Variants in LRRFIP1 observed in about 807,000 individuals in gnomAD.
LRRFIP1 encodes the protein leucine-rich repeat flightless-interacting protein 1.
Under a neutral mutation model 104.4 loss-of-function variants are expected in LRRFIP1, and 62 were observed. The observed-to-expected ratio is 0.59, with a 90% CI of 0.48 to 0.73. The LOEUF is 0.73. Among genes scored for constraint, LRRFIP1 ranks in the 30% least tolerant of loss-of-function variants. The probability of loss-of-function intolerance (pLI) is 0.00; values close to 1 mark genes in which losing one functional copy is unlikely to be tolerated. For missense variants in LRRFIP1, 796 were observed against 824.5 expected (o/e 0.97, Z 0.42); for synonymous variants, 300 against 299.0 (o/e 1.00, Z -0.03).
intron 23 of LRRFIP1, 87 bp downstream of exon 23, chr2:237,774,549 C>T: frequency 1.2e-6 from 1 of 853,544 alleles, no homozygotes. Context: ...ACTACTGTGA[C>T]ATCTGCCCCT....
chr2:237,674,713 T>C (rs897780430), intron 1 of LRRFIP1, among the ~76,000 whole-genome samples: 3 of 152,246 alleles, frequency 2.0e-5, no homozygotes, highest in African/African-American at 7.2e-5. Flanking sequence ...CCTTCCATTA[T>C]GAATGCGGGC....
intron 8 of LRRFIP1, chr2:237,729,776 T>C: frequency 2.0e-6 from 2 of 985,288 alleles, no homozygotes; most frequent in Non-Finnish European, 2.4e-6. Flanking sequence ...TCTTTGGTGC[T>C]CAGAATTCCA....
intron 1 of LRRFIP1, among the ~76,000 whole-genome samples, chr2:237,682,525 T>G (rs185222974): frequency 1.2e-3 from 177 of 152,322 alleles, no homozygotes; most frequent in African/African-American, 4.1e-3. Context: ...AGGGTTGTTT[T>G]CTCTCCCATC....
chr2:237,680,552 T>C (rs1271852912), intron 1 of LRRFIP1, among the ~76,000 whole-genome samples: 2 of 152,216 alleles, frequency 1.3e-5, no homozygotes, highest in African/African-American at 2.4e-5. Context: ...CTCAGAGACT[T>C]GAGCATCTCC....
chr2:237,775,180 C>G (rs903946299), intron 23 of LRRFIP1, among the ~76,000 whole-genome samples: 5 of 152,228 alleles, frequency 3.3e-5, no homozygotes, highest in African/African-American at 1.2e-4. Flanking sequence ...CGGAATGGCC[C>G]AGGCCAGGGC....
chr2:237,717,684 G>A lies in LRRFIP1; in HGVS notation c.202-78G>A. On this transcript the variant is annotated intron_variant, in intron 3 of 23. Coordinates refer to ENST00000308482, the MANE Select transcript of LRRFIP1 (RefSeq NM_001137550.2). This position sits in a 1 kb window ranked among gnomAD's most constrained non-coding sequence, Gnocchi z 4.2. ...GCTGGATGGCGGTTTGGAAATGCATGTCAGAACAGTGCCTTAGACAACTGC... is the reference window on the plus strand; with the variant it reads ...GCTGGATGGCGGTTTGGAAATGCATATCAGAACAGTGCCTTAGACAACTGC... 9.0e-7 allele frequency: 1 copy of A among 1,109,376 alleles called. No homozygotes were observed. Among genetic ancestry groups the A allele is most frequent in the Non-Finnish European group, 1.4e-6 (1 of 719,244 alleles). The allele number at this position is 1,109,376 out of a possible 1,614,324, so 68.7% of individuals were successfully genotyped here.
At chr2:237,644,518 T>C (rs948384887) in intron 1 of LRRFIP1, among the ~76,000 whole-genome samples, 1 of 152,202 alleles carries the variant, frequency 6.6e-6, no homozygotes, top group African/African-American at 2.4e-5. Context: ...GCTGGTGTTC[T>C]TGGGTTAGAG....
rs1030673968 is a variant in LRRFIP1 at position 237,649,817 on chromosome 2, T to A, written c.96+22077T>A. 6.6e-6 allele frequency among the ~76,000 whole-genome samples: 1 copy of A among 151,764 alleles called. No homozygotes were observed. Among genetic ancestry groups the A allele is most frequent in the Admixed American group, 6.6e-5 (1 of 15,266 alleles). ...CGGGCTGAGTTCATTTACCTGCTCA[T>A]TCATGTATTCACTTTTCCTCCGATT... On this transcript the variant is annotated intron_variant, in intron 1 of 23. Coordinates refer to ENST00000308482, the MANE Select transcript of LRRFIP1 (RefSeq NM_001137550.2). The surrounding 1 kb of genome is among the most constrained non-coding windows in gnomAD (Gnocchi z 4.1).
At chr2:237,723,651 G>A (rs1283045858) in intron 7 of LRRFIP1, 65 bp downstream of exon 7, 1 of 1,587,394 alleles carries the variant, frequency 6.3e-7, no homozygotes, top group African/African-American at 1.3e-5. Context: ...AATAACCTGT[G>A]GTATTTCCAC....
intron 1 of LRRFIP1, among the ~76,000 whole-genome samples, chr2:237,688,228 G>T (rs1353054391): frequency 2.0e-5 from 3 of 152,164 alleles, no homozygotes; most frequent in African/African-American, 7.2e-5. Context: ...GAGATTCTGG[G>T]CTTAACCAGT....
Position 237,703,269 on chromosome 2 carries a change from G to A in LRRFIP1, c.97-5275G>A, listed in dbSNP as rs542196144. Among the ~76,000 whole-genome samples, 5 of 152,208 alleles carry A rather than the reference G, an allele frequency of 3.3e-5. No individual in the cohort carries two copies. The highest frequency in any genetic ancestry group is 4.1e-4 in the South Asian group (2 of 4,824). ...TTTGTATCCTAAACTCCACAGGCCC[G>A]AACCCTGGCACTGAGCTTGATCCGC... On this transcript the variant is annotated intron_variant, in intron 1 of 23. Coordinates refer to ENST00000308482, the MANE Select transcript of LRRFIP1 (RefSeq NM_001137550.2). The surrounding 1 kb of genome is among the most constrained non-coding windows in gnomAD (Gnocchi z 4.3).
At chr2:237,746,505 G>C (rs1007534020) in intron 11 of LRRFIP1, among the ~76,000 whole-genome samples, 25 of 152,166 alleles carry the variant, frequency 1.6e-4, no homozygotes, top group Non-Finnish European at 1.5e-5. Flanking sequence ...GTGCCCATCT[G>C]ATCAGAGTCT....
chr2:237,713,013 A>G (rs1359225332), intron 2 of LRRFIP1, among the ~76,000 whole-genome samples: 1 of 152,132 alleles, frequency 6.6e-6, no homozygotes, highest in African/African-American at 2.4e-5. Flanking sequence ...CATCGGGGTC[A>G]CAAGCCATCC....
intron 18 of LRRFIP1, among the ~76,000 whole-genome samples, chr2:237,759,276 C>T (rs550965772): frequency 1.3e-5 from 2 of 152,086 alleles, no homozygotes; most frequent in Non-Finnish European, 1.5e-5. Context: ...GTTCCCTGTC[C>T]TTGGTGGGCC....
intron 12 of LRRFIP1, among the ~76,000 whole-genome samples, 172 bp from the exon 13 acceptor site, chr2:237,749,027 C>A (rs1404029882): frequency 6.6e-6 from 1 of 152,186 alleles, no homozygotes; most frequent in African/African-American, 2.4e-5. Flanking sequence ...CTCCTGGGAG[C>A]CCACTCACTA....
chr2:237,749,122 G>A, intron 12 of LRRFIP1, 77 bp from the exon 13 acceptor site: 1 of 1,478,620 alleles, frequency 6.8e-7, no homozygotes, highest in Non-Finnish European at 9.2e-7. Context: ...GGATTATGGG[G>A]ATTACAATTC....
intron 1 of LRRFIP1, among the ~76,000 whole-genome samples, chr2:237,628,919 G>A (rs576266278): frequency 6.6e-6 from 1 of 152,306 alleles, no homozygotes; most frequent in South Asian, 2.1e-4. Flanking sequence ...ACAGAAAAGG[G>A]CTTTCCAGGC....
intron 1 of LRRFIP1, among the ~76,000 whole-genome samples, chr2:237,669,114 C>T (rs576688276): frequency 3.9e-5 from 6 of 152,300 alleles, no homozygotes; most frequent in South Asian, 2.1e-4. Context: ...TCCTCACTTC[C>T]GTATTGCTGG....
chr2:237,758,858 G>GAAA (rs3215064), intron 18 of LRRFIP1, 37 bp downstream of exon 18: 51 of 1,475,038 alleles, frequency 3.5e-5, no homozygotes, highest in African/African-American at 2.0e-4. Context: ...TAAAAAAAAA[G>GAAA]AAAAAAAATC....
Sources: gnomAD v4.1 joint callset for allele counts (sites outside exome capture counted in the v4.1 genomes callset) on GRCh38, gnomAD v4.1.1 for gene constraint, Gnocchi (gnomAD v3.1) non-coding constraint, MANE v1.5 for transcripts, NCBI Gene and HGNC (gene_info 2026-07-23, HGNC 2026-07-21) for gene names.